ADAM19: variants seen among roughly 807,000 people sequenced by gnomAD.
The protein encoded by ADAM19 is ADAM metallopeptidase domain 19, also known as disintegrin and metalloproteinase domain-containing protein 19.
A neutral mutation model predicts 114.7 loss-of-function variants in ADAM19; 65 were observed. The observed-to-expected ratio is 0.57, with a 90% CI of 0.46 to 0.70. ADAM19 has a LOEUF of 0.70. ADAM19 is among the 30% of genes least tolerant of loss of function. ADAM19 has a pLI of 0.00. For missense variants in ADAM19, 1,063 were observed against 1,204.7 expected, an observed-to-expected ratio of 0.88 and a Z score of 1.74; for synonymous variants, 466 against 460.5, an observed-to-expected ratio of 1.01 and a Z score of -0.15.
At chr5:157,501,138 C>T (rs1353672246) in intron 12 of ADAM19, among the ~76,000 whole-genome samples, 3 of 152,200 alleles carry the variant, frequency 2.0e-5, no homozygotes, top group African/African-American at 7.2e-5. Context: ...GAACACTTTC[C>T]TCCCATTATT....
intron 10 of ADAM19, among the ~76,000 whole-genome samples, chr5:157,506,236 C>T (rs1755738711): frequency 6.6e-6 from 1 of 152,164 alleles, no homozygotes; most frequent in Non-Finnish European, 1.5e-5. Context: ...GACAGATACA[C>T]TCCAGGCACA....
intron 22 of ADAM19, chr5:157,481,393 T>G: frequency 5.0e-6 from 3 of 599,750 alleles, no homozygotes; most frequent in Non-Finnish European, 8.7e-6. Context: ...AGGGGCCAAG[T>G]GTACACAGCC....
intron 21 of ADAM19, among the ~76,000 whole-genome samples, chr5:157,483,944 C>CTTTT (rs397771063): frequency 1.4e-5 from 2 of 143,792 alleles, no homozygotes; most frequent in Non-Finnish European, 1.5e-5. Flanking sequence ...TTGAACATTC[C>CTTTT]TTTTTTTTTT....
chr5:157,550,562 T>C (rs1385811874), intron 3 of ADAM19, among the ~76,000 whole-genome samples: 1 of 152,006 alleles, frequency 6.6e-6, no homozygotes, highest in African/African-American at 2.4e-5. Context: ...GTGGTGAAAA[T>C]GTTCTAAAAT....
At chr5:157,574,713 G>C (rs1013410261) in intron 1 of ADAM19, among the ~76,000 whole-genome samples, 1 of 152,192 alleles carries the variant, frequency 6.6e-6, no homozygotes, top group African/African-American at 2.4e-5. Context: ...CAAGCCTTCC[G>C]CGAAATCTGC....
chr5:157,515,776 T>C (rs1359068126), intron 7 of ADAM19, among the ~76,000 whole-genome samples: 1 of 152,200 alleles, frequency 6.6e-6, no homozygotes, highest in African/African-American at 2.4e-5. Flanking sequence ...GGAAGTCCTT[T>C]ACAGGCCTGT....
In ADAM19 at chr5:157,493,005, C is replaced by T; in HGVS notation, c.1876G>A (p.Val626Met). The change falls in exon 16 of 23, where the codon GTG (valine) becomes ATG (methionine). Residue 626 changes from valine (V) to methionine (M), a missense_variant. Val to Met is a conservative substitution (Grantham distance 21, BLOSUM62 1). Transcript: ENST00000257527. ...EEGDMLDPGL[V>M]MTGTKCGYNH... ...TAGCCACACTTGGTTCCAGTCATCA[C>T]CAGCCCTGGGTCCAGCATGTCACCC... 6.2e-7 allele frequency: 1 copy of T among 1,614,230 alleles called. No individual in the cohort carries two copies. Among genetic ancestry groups the T allele is most frequent in the East Asian group, 2.2e-5 (1 of 44,886 alleles).
chr5:157,512,380 C>T lies in ADAM19; in HGVS notation c.738+1054G>A, dbSNP rs561963009. The stretch of plus-strand genomic sequence containing the variant: ...AGTGTTTAGGAAAAAATGATTTTCC[C>T]TTTAGACCTGGAATTCATGAATCCC... On this transcript the variant is annotated intron_variant, in intron 8 of 22. Transcript: ENST00000257527. Among the ~76,000 whole-genome samples the T allele has an allele frequency of 3.4e-4, 52 of 152,316 alleles. 1 individual carries two copies. The South Asian group carries it at 0.01, about 30-fold the overall frequency.
intron 9 of ADAM19, among the ~76,000 whole-genome samples, 182 bp downstream of exon 9, chr5:157,509,119 A>G (rs1196374336): frequency 1.3e-5 from 2 of 152,246 alleles, no homozygotes; most frequent in Admixed American, 1.3e-4. Context: ...AGGCTTTTAA[A>G]CATTTTCTGG....
intron 1 of ADAM19, among the ~76,000 whole-genome samples, chr5:157,575,300 G>A (rs1581366821): frequency 6.6e-6 from 1 of 152,206 alleles, no homozygotes; most frequent in African/African-American, 2.4e-5. Flanking sequence ...GATAAGCCCC[G>A]AGAACGGCGG....
chr5:157,570,035 G>A (rs1333381543), intron 2 of ADAM19, among the ~76,000 whole-genome samples: 11 of 152,140 alleles, frequency 7.2e-5, no homozygotes, highest in South Asian at 2.1e-4. Context: ...CTACGTGGGC[G>A]GATCACTTGA....
In ADAM19 at chr5:157,494,809, C is replaced by G; in HGVS notation, c.1595-14G>C. 1 of 1,607,110 alleles carries G rather than the reference C, an allele frequency of 6.2e-7. No homozygotes were observed. Among genetic ancestry groups the G allele is most frequent in the Non-Finnish European group, 8.5e-7 (1 of 1,174,076 alleles). ...CAGGTCGGGCTCCTGGGTGGGCAAG[C>G]AACATCTATCAGTATACTCATCTGT... On this transcript the variant is annotated splice_polypyrimidine_tract_variant and intron_variant, in intron 14 of 22. Coordinates refer to ENST00000257527, the MANE Select transcript of ADAM19 (RefSeq NM_033274.5).
intron 18 of ADAM19, 141 bp from the exon 19 acceptor site, chr5:157,490,595 T>G: frequency 2.6e-6 from 3 of 1,142,188 alleles, no homozygotes; most frequent in Non-Finnish European, 3.7e-6. Flanking sequence ...AAATTATAAT[T>G]AAAAACACAC....
intron 6 of ADAM19, among the ~76,000 whole-genome samples, chr5:157,519,566 T>C (rs1290972157): frequency 6.6e-6 from 1 of 152,256 alleles, no homozygotes; most frequent in Non-Finnish European, 1.5e-5. Context: ...ATTATAGGCA[T>C]GAGCCATGGC....
Position 157,481,773 on chromosome 5 carries a change from G to A in ADAM19, c.2703+18C>T, listed in dbSNP as rs1282546663. Reference sequence around the variant, plus strand: ...CTCTGGTACCAGCTTTCACCTTGAGGGCTTCCCGTGGACTCACCTTTGGGG... The same window carrying A: ...CTCTGGTACCAGCTTTCACCTTGAGAGCTTCCCGTGGACTCACCTTTGGGG... On this transcript the variant is annotated intron_variant, in intron 22 of 22. Transcript: ENST00000257527. 4 of 1,562,316 alleles carry A rather than the reference G, an allele frequency of 2.6e-6. No individual in the cohort carries two copies. Among genetic ancestry groups the A allele is most frequent in the Non-Finnish European group, 3.5e-6 (4 of 1,152,068 alleles).
At position 157,478,977 on chromosome 5, in the gene ADAM19, CTTGT is replaced by C; in HGVS notation, c.*1968_*1971del. ...ATGGGGTTGGGTTTTGAGGATGTTGCTTGTTTGTTTTGCAGAGGGGTGAAAGGGG... is the reference window on the plus strand; with the variant it reads ...ATGGGGTTGGGTTTTGAGGATGTTGCTTGTTTTGCAGAGGGGTGAAAGGGG... On this transcript the variant is annotated 3_prime_UTR_variant, in exon 23 of 23. Transcript: ENST00000257527. 1.0e-6 allele frequency: 1 copy of C among 985,562 alleles called. No homozygotes were observed. Among genetic ancestry groups the C allele is most frequent in the South Asian group, 4.7e-5 (1 of 21,286 alleles). 61.1% of individuals were successfully genotyped at this position (985,562 alleles called of 1,614,324 possible). A position where few individuals can be genotyped will look rare whatever the true frequency, so the allele number is the denominator to read the frequency against.
At chr5:157,547,586 A>T (rs1409391185) in intron 3 of ADAM19, among the ~76,000 whole-genome samples, 1 of 152,240 alleles carries the variant, frequency 6.6e-6, no homozygotes, top group East Asian at 1.9e-4. Flanking sequence ...CAGCCAGCAG[A>T]ACTGTGAGAA....
chr5:157,501,018 T>C (rs934497018), intron 12 of ADAM19, among the ~76,000 whole-genome samples: 15 of 152,108 alleles, frequency 9.9e-5, no homozygotes, highest in African/African-American at 3.6e-4. Context: ...CTACCTCATG[T>C]TTATCAACCT....
At chr5:157,547,738 C>T (rs1021047067) in intron 3 of ADAM19, among the ~76,000 whole-genome samples, 2 of 152,238 alleles carry the variant, frequency 1.3e-5, no homozygotes, top group South Asian at 2.1e-4. Flanking sequence ...CCTCAGCCCA[C>T]ATGCAACCCA....
Sources: allele counts gnomAD v4.1 joint callset (sites outside exome capture counted in the v4.1 genomes callset), GRCh38; gene constraint gnomAD v4.1.1; transcripts MANE v1.5; gene names NCBI Gene and HGNC (gene_info 2026-07-23, HGNC 2026-07-21).